TTC17: variants seen among roughly 807,000 people sequenced by gnomAD.
The protein encoded by TTC17 is tetratricopeptide repeat domain 17, also known as tetratricopeptide repeat protein 17.
A neutral mutation model predicts 143.8 loss-of-function variants in TTC17; 58 were observed. The observed-to-expected ratio is 0.40, with a 90% CI of 0.33 to 0.50. The LOEUF (loss-of-function observed/expected upper bound fraction) is 0.50. Among genes scored for constraint, TTC17 ranks in the 20% least tolerant of loss-of-function variants. TTC17 has a pLI of 0.49. For missense variants in TTC17, 1,273 were observed against 1,392.5 expected, an observed-to-expected ratio of 0.91 and a Z score of 1.37; for synonymous variants, 501 against 497.8, an observed-to-expected ratio of 1.01 and a Z score of -0.09.
intron 15 of TTC17, among the ~76,000 whole-genome samples, chr11:43,409,400 A>G (rs1379345072): frequency 6.6e-6 from 1 of 152,226 alleles, no homozygotes; most frequent in East Asian, 1.9e-4. Flanking sequence ...ACAACCCACT[A>G]AAATGGTTGG....
chr11:43,375,656 A>AC (rs1322115003), intron 1 of TTC17, among the ~76,000 whole-genome samples: 3 of 151,908 alleles, frequency 2.0e-5, no homozygotes, highest in African/African-American at 7.2e-5. Context: ...AAAAAAAAAA[A>AC]CAGTGAAAGT....
At chr11:43,448,632 T>TGATCTACTCCCAAAATTCC (rs935602129) in intron 19 of TTC17, 2 of 152,998 alleles carry the variant, frequency 1.3e-5, no homozygotes, top group African/African-American at 4.8e-5. Context: ...CTAGTCAGAC[T>TGATCTACTCCCAAAATTCC]GATCTACTCC....
In TTC17 at chr11:43,492,170, T is replaced by A. The variant is rs1564988269; in HGVS notation, c.3294+7T>A. The A allele has an allele frequency of 6.2e-7, 1 of 1,613,942 alleles. No individual in the cohort carries two copies. The highest frequency in any genetic ancestry group is 8.5e-7 in the Non-Finnish European group (1 of 1,179,902). On this transcript the variant is annotated splice_region_variant and intron_variant, in intron 23 of 23. Coordinates refer to ENST00000039989, the MANE Select transcript of TTC17 (RefSeq NM_018259.6). ...CAATGTCTACGTGGCAATGGTGAGA[T>A]GGGGGTGTGAGCAGTATGTACCAAC...
chr11:43,451,513 C>T (rs548710243), intron 21 of TTC17, among the ~76,000 whole-genome samples: 1 of 151,998 alleles, frequency 6.6e-6, no homozygotes, highest in Non-Finnish European at 1.5e-5. Context: ...TCTTCTTTAC[C>T]CCAGTATGTG....
In TTC17 at chr11:43,450,171, C is replaced by A. The variant is rs1193903643; in HGVS notation, c.2876C>A (p.Thr959Asn). ...CNGNLPTSMH[T>N]LDHLHGVSNR... is the part of the protein sequence containing the mutation. ...GGCAATCTCCCCACGAGTATGCATA[C>A]CCTGGACCACTTGCATGGGGTTTCC... Residue 959 changes from threonine (T) to asparagine (N), a missense_variant, in exon 20 of 24, where the codon ACC becomes AAC. Physicochemically the swap from Thr to Asn is moderately conservative, Grantham distance 65. Around this residue, in one of 3 missense-constraint regions of TTC17, gnomAD observed 878 missense variants for 899.8 expected, o/e 0.98. Transcript: ENST00000039989. The A allele has an allele frequency of 6.2e-7, 1 of 1,614,180 alleles. No individual in the cohort carries two copies. The highest frequency in any genetic ancestry group is 2.2e-5 in the East Asian group (1 of 44,872).
At chr11:43,384,861 A>T (rs1464291859) in intron 2 of TTC17, among the ~76,000 whole-genome samples, 1 of 152,202 alleles carries the variant, frequency 6.6e-6, no homozygotes, top group Non-Finnish European at 1.5e-5. Context: ...TAATGCAAAA[A>T]ATTTTTTTAA....
chr11:43,467,792 A>G (rs1948007019), intron 21 of TTC17, among the ~76,000 whole-genome samples: 1 of 152,156 alleles, frequency 6.6e-6, no homozygotes. Flanking sequence ...AGTAGAAAAT[A>G]TCCAAACTGA....
intron 1 of TTC17, among the ~76,000 whole-genome samples, chr11:43,361,140 A>T (rs1354196092): frequency 6.6e-6 from 1 of 152,248 alleles, no homozygotes; most frequent in African/African-American, 2.4e-5. Context: ...TTCCACTCTG[A>T]TAGCTGATTG....
intron 19 of TTC17, chr11:43,449,842 T>C: frequency 2.2e-6 from 1 of 465,080 alleles, no homozygotes; most frequent in Non-Finnish European, 3.8e-6. Flanking sequence ...AGGAATGTGC[T>C]GCTGTGCATA....
intron 12 of TTC17, 48 bp downstream of exon 12, chr11:43,405,677 A>C: frequency 6.2e-7 from 1 of 1,611,760 alleles, no homozygotes; most frequent in Non-Finnish European, 8.5e-7. Flanking sequence ...CATGATTGTC[A>C]TCTAGCGGTT....
chr11:43,433,677 A>C (rs1020841840), intron 16 of TTC17, among the ~76,000 whole-genome samples: 3 of 152,192 alleles, frequency 2.0e-5, no homozygotes, highest in African/African-American at 7.2e-5. Flanking sequence ...GAGACCAATT[A>C]AATTTTTACT....
chr11:43,474,292 T>C (rs1464684258), intron 21 of TTC17, among the ~76,000 whole-genome samples: 1 of 152,124 alleles, frequency 6.6e-6, no homozygotes, highest in African/African-American at 2.4e-5. Flanking sequence ...AATAATATCT[T>C]AGGATACTAT....
intron 1 of TTC17, among the ~76,000 whole-genome samples, chr11:43,362,149 T>TTGTGTGTG (rs3978779): frequency 9.0e-4 from 125 of 138,144 alleles, no homozygotes; most frequent in East Asian, 1.3e-3. Flanking sequence ...CCCGGCTAAT[T>TTGTGTGTG]TGTGTGTGTG....
chr11:43,362,637 GTCTT>G (rs911508469), intron 1 of TTC17, among the ~76,000 whole-genome samples: 3 of 151,920 alleles, frequency 2.0e-5, no homozygotes, highest in East Asian at 1.9e-4. Context: ...AGAGATGGGG[GTCTT>G]TCTTTATTGC....
intron 16 of TTC17, among the ~76,000 whole-genome samples, chr11:43,439,784 C>T (rs572638961): frequency 2.0e-5 from 3 of 151,960 alleles, no homozygotes; most frequent in Non-Finnish European, 4.4e-5. Context: ...AGCTTCATCT[C>T]TTAACACTTC....
At chr11:43,397,125 C>A in intron 6 of TTC17, 1 of 511,640 alleles carries the variant, frequency 2.0e-6, no homozygotes, top group Non-Finnish European at 3.4e-6. Context: ...AATATAAGCC[C>A]TAAATAAATT....
intron 21 of TTC17, among the ~76,000 whole-genome samples, chr11:43,467,482 C>T: frequency 6.6e-6 from 1 of 152,116 alleles, no homozygotes; most frequent in Non-Finnish European, 1.5e-5. Context: ...TTCATAGAGA[C>T]AGAAAATAGA....
In TTC17 at chr11:43,443,473, G is replaced by C. The variant is rs1947469271; in HGVS notation, c.2400G>C (p.Arg800=). 1 of 1,614,038 alleles carries C rather than the reference G, an allele frequency of 6.2e-7. No homozygotes were observed. Among genetic ancestry groups the C allele is most frequent in the African/African-American group, 1.3e-5 (1 of 74,924 alleles). Residue 800 remains arginine (R), a synonymous_variant, in exon 17 of 24, where the codon CGG becomes CGC. Transcript: ENST00000039989. ...GFGGALEMKG[R]RLDLQGIRVL... ...GGGGTGCACTAGAGATGAAAGGGCG[G>C]CGTCTAGACTTACAAGGAATACGGG...
At chr11:43,380,547 G>A (rs534753461) in intron 2 of TTC17, among the ~76,000 whole-genome samples, 12 of 151,750 alleles carry the variant, frequency 7.9e-5, no homozygotes, top group East Asian at 2.0e-4. Context: ...GAGTCACCGT[G>A]CCCGGCCAAA....
Sources: allele counts gnomAD v4.1 joint callset (sites outside exome capture counted in the v4.1 genomes callset), GRCh38; gene constraint gnomAD v4.1.1; regional missense constraint gnomAD v4.1.1; transcripts MANE v1.5; gene names NCBI Gene and HGNC (gene_info 2026-07-23, HGNC 2026-07-21).